ALK: variants seen among roughly 807,000 people sequenced by gnomAD.
ALK encodes ALK tyrosine kinase receptor.
In ALK, 74 loss-of-function variants were observed where a neutral mutation model predicts 163.1. The ratio of observed to expected loss-of-function variants is 0.45; its 90% CI spans 0.38 to 0.55. The LOEUF is 0.55. ALK is among the 20% of genes least tolerant of loss of function. The pLI, the probability that ALK is intolerant of heterozygous loss-of-function variation, is 0.00. For synonymous variants in ALK, 960 were observed against 843.2 expected (o/e 1.14, Z -2.40); for missense variants, 2,063 against 2,105.3 (o/e 0.98, Z 0.39).
intron 4 of ALK, among the ~76,000 whole-genome samples, chr2:29,423,247 G>A (rs1670060236): frequency 6.6e-6 from 1 of 152,156 alleles, no homozygotes; most frequent in Admixed American, 6.5e-5. Flanking sequence ...AGGGGGAGGA[G>A]GAGGAACCTG....
At chr2:29,534,199 A>T (rs7584985) in intron 3 of ALK, among the ~76,000 whole-genome samples, 134,573 of 152,178 alleles carry the variant, frequency 0.88, 61,781 homozygotes, top group South Asian at 1. Context: ...AGAGTGGTGC[A>T]GCAGGAGAAC....
At chr2:29,902,411 C>T (rs1490431068) in intron 1 of ALK, among the ~76,000 whole-genome samples, 1 of 152,170 alleles carries the variant, frequency 6.6e-6, no homozygotes, top group Non-Finnish European at 1.5e-5. Context: ...AATCTTCCCT[C>T]TCCTCCACCC....
At position 29,227,748 on chromosome 2, in the gene ALK, G is replaced by A. The variant is rs1486890929; in HGVS notation, c.2816-76C>T. On this transcript the variant is annotated intron_variant, in intron 16 of 28. Transcript: ENST00000389048. The surrounding 1 kb of genome is among the most constrained non-coding windows in gnomAD (Gnocchi z 4.4). ...CTTAACACACACACACGTCAGTGGG[G>A]CATGCAGCTCTGGCCAAAGTTAGGG... 3.3e-6 allele frequency: 4 copies of A among 1,225,228 alleles called. No homozygotes were observed. The African/African-American group carries it at 4.5e-5, about 14-fold the overall frequency. The allele number at this position is 1,225,228 out of a possible 1,614,324, so 75.9% of individuals were successfully genotyped here.
At chr2:29,718,737 C>T (rs1679338062) in intron 1 of ALK, among the ~76,000 whole-genome samples, 1 of 152,176 alleles carries the variant, frequency 6.6e-6, no homozygotes, top group Admixed American at 6.5e-5. Flanking sequence ...GTGATGGAAG[C>T]AGAAACTGAG....
At chr2:29,294,831 A>C (rs1666131303) in intron 9 of ALK, among the ~76,000 whole-genome samples, 1 of 152,188 alleles carries the variant, frequency 6.6e-6, no homozygotes, top group Non-Finnish European at 1.5e-5. Flanking sequence ...ACTTGGCACT[A>C]TTTGATTCCA....
intron 1 of ALK, among the ~76,000 whole-genome samples, chr2:29,915,593 C>T (rs1281644766): frequency 6.6e-6 from 1 of 152,170 alleles, no homozygotes; most frequent in African/African-American, 2.4e-5. Context: ...GACCTTCTTT[C>T]TCTTTTAAAA....
chr2:29,861,882 A>T (rs1666301432), intron 1 of ALK, among the ~76,000 whole-genome samples: 1 of 152,244 alleles, frequency 6.6e-6, no homozygotes. Flanking sequence ...ATCCTCAACA[A>T]AATACTAGCA....
In ALK at chr2:29,806,783, C is replaced by T. The variant is rs1486257037; in HGVS notation, c.668-89086G>A. ...CCCCACTGCATAGGGTATGTACAGG[C>T]ACGCATGGGGGCCATTTCTGGGTGG... On this transcript the variant is annotated intron_variant, in intron 1 of 28. Transcript: ENST00000389048. 2.6e-5 allele frequency among the ~76,000 whole-genome samples: 4 copies of T among 152,246 alleles called. No individual in the cohort carries two copies. In the East Asian group the frequency reaches 7.7e-4, roughly 29 times the overall value.
At chr2:29,248,630 G>A (rs922408195) in intron 12 of ALK, among the ~76,000 whole-genome samples, 17 of 152,174 alleles carry the variant, frequency 1.1e-4, no homozygotes, top group Non-Finnish European at 2.9e-5. Flanking sequence ...CTGGGGCCCG[G>A]AGCTGGCCTC....
chr2:29,687,480 T>A (rs1678272160), intron 3 of ALK, among the ~76,000 whole-genome samples: 1 of 151,976 alleles, frequency 6.6e-6, no homozygotes, highest in African/African-American at 2.4e-5. Context: ...TCCCCCAAAG[T>A]CTAAGATAAC....
At chr2:29,725,777 T>C (rs867392449) in intron 1 of ALK, among the ~76,000 whole-genome samples, 3 of 152,224 alleles carry the variant, frequency 2.0e-5, no homozygotes, top group Non-Finnish European at 2.9e-5. Flanking sequence ...TCAGTTGAGC[T>C]ACCACATCTA....
At chr2:29,203,485 C>CTTTTTTTGTTTTTTTTTT (rs1669232711) in intron 26 of ALK, among the ~76,000 whole-genome samples, 1 of 32,544 alleles carries the variant, frequency 3.1e-5, no homozygotes, top group Non-Finnish European at 5.2e-5. Flanking sequence ...GAGGATGTGC[C>CTTTTTTTGTTTTTTTTTT]TTTTTTTTTT....
intron 2 of ALK, among the ~76,000 whole-genome samples, chr2:29,715,484 C>T (rs2148305388): frequency 6.6e-6 from 1 of 152,296 alleles, no homozygotes; most frequent in African/African-American, 2.4e-5. Flanking sequence ...GCTCAGGGAG[C>T]ACCACATGGT....
chr2:29,338,480 C>T (rs916807315), intron 5 of ALK, among the ~76,000 whole-genome samples: 13 of 152,184 alleles, frequency 8.5e-5, no homozygotes, highest in African/African-American at 3.1e-4. Flanking sequence ...CTTTGTGTAA[C>T]TTTGTTCCGT....
chr2:29,560,024 G>A (rs991150193), intron 3 of ALK, among the ~76,000 whole-genome samples: 4 of 152,074 alleles, frequency 2.6e-5, no homozygotes, highest in African/African-American at 7.2e-5. Context: ...TTCATTATTT[G>A]GAAAGCAGTT....
intron 1 of ALK, among the ~76,000 whole-genome samples, chr2:29,833,223 T>C (rs1297947346): frequency 6.6e-6 from 1 of 152,184 alleles, no homozygotes. Flanking sequence ...GAAAGAACGA[T>C]GAAAAGGCAT....
At chr2:29,590,955 C>G (rs945912810) in intron 3 of ALK, among the ~76,000 whole-genome samples, 2 of 151,474 alleles carry the variant, frequency 1.3e-5, no homozygotes, top group Non-Finnish European at 2.9e-5. Context: ...CCTGTAGTCC[C>G]AGCTACTTGG....
intron 3 of ALK, among the ~76,000 whole-genome samples, chr2:29,645,190 A>G (rs1369505518): frequency 1.3e-5 from 2 of 152,192 alleles, no homozygotes; most frequent in Non-Finnish European, 2.9e-5. Context: ...TGGAGTTATC[A>G]AAGTGTAAAG....
chr2:29,415,388 C>G lies in ALK; in HGVS notation c.1155-31529G>C, dbSNP rs1294802001. On this transcript the variant is annotated intron_variant, in intron 4 of 28. Coordinates refer to ENST00000389048, the MANE Select transcript of ALK (RefSeq NM_004304.5). ...AACTCATTAGTTTTCTACTGTACCC[C>G]CAAAGCACATTCTTTATCTCTAATC... is the stretch of plus-strand genomic sequence containing the variant. Among the ~76,000 whole-genome samples the G allele has an allele frequency of 5.9e-5, 9 of 151,950 alleles. No individual in the cohort carries two copies. In the East Asian group the frequency reaches 1.7e-3, roughly 29 times the overall value.
Sources: gnomAD v4.1 joint callset for allele counts (sites outside exome capture counted in the v4.1 genomes callset) on GRCh38, gnomAD v4.1.1 for gene constraint, Gnocchi (gnomAD v3.1) non-coding constraint, MANE v1.5 for transcripts, NCBI Gene and HGNC (gene_info 2026-07-23, HGNC 2026-07-21) for gene names.